Variants in CLUH observed in about 807,000 individuals in gnomAD.
The protein encoded by CLUH is CLUH binding protein of NUMT mRNA.
CLUH carries 77 observed loss-of-function variants against 139.3 expected under a neutral mutation model. That is an observed-to-expected ratio of 0.55 (90% CI 0.46 to 0.67). CLUH has a LOEUF of 0.67. CLUH is among the 30% of genes least tolerant of loss of function. The pLI is 0.00. For synonymous variants in CLUH, 999 were observed against 801.6 expected, an observed-to-expected ratio of 1.25 and a Z score of -4.16; for missense variants, 1,876 against 1,875.8, an observed-to-expected ratio of 1.00 and a Z score of 0.00.
In CLUH at chr17:2,691,997, C is replaced by CCCCCCT; in HGVS notation, c.3654+6_3654+7insAGGGGG. 1 of 1,329,188 alleles carries CCCCCCT rather than the reference C, an allele frequency of 7.5e-7. No individual in the cohort carries two copies. Among genetic ancestry groups the CCCCCCT allele is most frequent in the Admixed American group, 2.7e-5 (1 of 37,030 alleles). 82.3% of individuals were successfully genotyped at this position (1,329,188 alleles called of 1,614,324 possible). Reference sequence around the variant, plus strand: ...GCCCCCGCCCCCGCCACGCCCCCGCCGCGCACCTGCGTCTTGTAGATGGTG... The same window carrying CCCCCCT: ...GCCCCCGCCCCCGCCACGCCCCCGCCCCCCCTGCGCACCTGCGTCTTGTAGATGGTG... On this transcript the variant is annotated splice_region_variant and intron_variant, in intron 23 of 25. Transcript: ENST00000651024.
chr17:2,707,169 T>C lies in CLUH; in HGVS notation c.101-2605A>G, dbSNP rs2070375470. The C allele has an allele frequency of 1.0e-6, 1 of 985,034 alleles. No homozygotes were observed. The allele number at this position is 985,034 out of a possible 1,614,324, so 61.0% of individuals were successfully genotyped here. On this transcript the variant is annotated intron_variant, in intron 1 of 25. Transcript: ENST00000651024. This position sits in a 1 kb window ranked among gnomAD's most constrained non-coding sequence, Gnocchi z 7.4. ...TGGCTGGCTCACCAGGTCCCGGTGC[T>C]CACCTGGTGCAGTTGGCAGCTGCCC...
At chr17:2,698,729 C>T (rs988503385) in intron 9 of CLUH, 139 bp from the exon 10 acceptor site, 3 of 776,220 alleles carry the variant, frequency 3.9e-6, no homozygotes, top group African/African-American at 3.5e-5. Flanking sequence ...TCAGTTTCCT[C>T]ATATGTAGAA....
intron 15 of CLUH, 53 bp downstream of exon 15, chr17:2,695,165 G>A (rs1425990619): frequency 5.0e-6 from 8 of 1,613,468 alleles, no homozygotes; most frequent in Non-Finnish European, 5.1e-6. Flanking sequence ...CTTTCCCGAC[G>A]CCCCACACCA....
At chr17:2,691,469 G>A (rs2069630058) in intron 25 of CLUH, 140 bp downstream of exon 25, 4 of 807,702 alleles carry the variant, frequency 5.0e-6, no homozygotes, top group South Asian at 3.1e-5. Flanking sequence ...GGCTGAGGCA[G>A]GAGAATCGCT....
chr17:2,692,667 GC>G lies in CLUH; in HGVS notation c.3341del (p.Ser1114ThrfsTer8). 1.2e-6 allele frequency: 2 copies of G among 1,612,370 alleles called. No individual in the cohort carries two copies. Among genetic ancestry groups the G allele is most frequent in the Non-Finnish European group, 1.7e-6 (2 of 1,179,336 alleles). On this transcript the variant is annotated frameshift_variant, in exon 21 of 26. Transcript: ENST00000651024. LOFTEE classifies it high-confidence loss of function. ...YMHLALYCFA[S>X]SQLSTALSLL... ...GGCTCAGGGCGGTGGACAGCTGGCTGCTGGCGAAGCAGTACAGGGCCAGGTG... is the reference window on the plus strand; with the variant it reads ...GGCTCAGGGCGGTGGACAGCTGGCTGTGGCGAAGCAGTACAGGGCCAGGTG...
chr17:2,696,436 G>A lies in CLUH; in HGVS notation c.2288C>T (p.Pro763Leu), dbSNP rs770832952. Residue 763 changes from proline (P) to leucine (L), a missense_variant and splice_region_variant, in exon 12 of 26, where the codon CCA (proline) becomes CTA (leucine). Transcript: ENST00000651024. ...DIRFNPDIFS[P>L]GVRFPESCQD... ...GCTGGCCGGCCCCCACCACCTGCCT[G>A]GTGAGAAGATGTCAGGATTGAAGCG... 8.2e-6 allele frequency: 13 copies of A among 1,585,598 alleles called. No homozygotes were observed. In the Admixed American group the frequency reaches 1.6e-4, roughly 20 times the overall value.
At chr17:2,709,014 C>T (rs1014944333) in intron 1 of CLUH, among the ~76,000 whole-genome samples, 5 of 152,192 alleles carry the variant, frequency 3.3e-5, no homozygotes, top group East Asian at 3.8e-4. Context: ...GCGGGAGAGC[C>T]GTGCCCCAAC....
rs190673247 is a variant in CLUH, at chr17:2,701,187, C to A, written c.978G>T (p.Gln326His). Residue 326 changes from glutamine (Q) to histidine (H), a missense_variant, in exon 7 of 26, where the codon CAG (glutamine) becomes CAT (histidine). Around this residue, in one of 3 missense-constraint regions of CLUH, gnomAD observed 270 missense variants for 354.7 expected, o/e 0.76. Transcript: ENST00000651024. Reference sequence around the variant, plus strand: ...AGTTCTTCTTGAAGGTCGGGCTGATCTGGTTGAGCAGCTCCACTAGGGAAT... The same window carrying A: ...AGTTCTTCTTGAAGGTCGGGCTGATATGGTTGAGCAGCTCCACTAGGGAAT... ...LSHSLVELLN[Q>H]ISPTFKKNFA... 7 of 1,614,002 alleles carry A rather than the reference C, an allele frequency of 4.3e-6. No individual in the cohort carries two copies. The Admixed American group carries it at 1.0e-4, about 23-fold the overall frequency.
At chr17:2,708,084 T>C (rs1351916393) in intron 1 of CLUH, 1 of 861,416 alleles carries the variant, frequency 1.2e-6, no homozygotes, top group Admixed American at 6.2e-5. Context: ...GGGGAGGAGG[T>C]GCCCAGCTGG....
In CLUH at chr17:2,695,041, A is replaced by T. The variant is rs1297575586; in HGVS notation, c.2668T>A (p.Ser890Thr). 3 of 1,613,316 alleles carry T rather than the reference A, an allele frequency of 1.9e-6. No individual in the cohort carries two copies. The highest frequency in any genetic ancestry group is 2.5e-6 in the Non-Finnish European group (3 of 1,179,706). ...AGGTGGGCCACGGGGTTTGGGTAGGAGCTCAGGAAGCAGTTCAGGAAGTGG... is the reference window on the plus strand; with the variant it reads ...AGGTGGGCCACGGGGTTTGGGTAGGTGCTCAGGAAGCAGTTCAGGAAGTGG... The part of the protein sequence containing the change: ...ISHFLNCFLS[S>T]YPNPVAHLPA... The change falls in exon 16 of 26, where the codon TCC becomes ACC. Residue 890 changes from serine to threonine, a missense_variant. Around this residue, in one of 3 missense-constraint regions of CLUH, gnomAD observed 1,454 missense variants for 1,384.4 expected, o/e 1.05. Transcript: ENST00000651024.
In CLUH at chr17:2,692,766, C is replaced by T; in HGVS notation, c.3312+14G>A. ...CCCTCGCATCCCCCGGCGCGGGCGGCACTCGCGACTCACGTATTCCTGGAT... is the reference window on the plus strand; with the variant it reads ...CCCTCGCATCCCCCGGCGCGGGCGGTACTCGCGACTCACGTATTCCTGGAT... On this transcript the variant is annotated intron_variant, in intron 20 of 25. Coordinates refer to ENST00000651024, the MANE Select transcript of CLUH (RefSeq NM_001366661.1). 3 of 1,599,854 alleles carry T rather than the reference C, an allele frequency of 1.9e-6. No homozygotes were observed. Among genetic ancestry groups the T allele is most frequent in the Middle Eastern group, 1.7e-4 (1 of 6,004 alleles).
In CLUH at chr17:2,700,478, C is replaced by A. The variant is rs1555531550; in HGVS notation, c.1174-4G>T. On this transcript the variant is annotated splice_polypyrimidine_tract_variant and splice_region_variant and intron_variant, in intron 8 of 25. Coordinates refer to ENST00000651024, the MANE Select transcript of CLUH (RefSeq NM_001366661.1). ...GCTCCTCATTCCAGTCTCGGGTCTG[C>A]AGAGAGATCAGGGAGGGAAAAACGA... The A allele has an allele frequency of 1.5e-5, 24 of 1,609,374 alleles. No homozygotes were observed. The South Asian group carries it at 2.7e-4, about 18-fold the overall frequency.
In CLUH at chr17:2,698,529, A is replaced by C. The variant is rs1597613169; in HGVS notation, c.1328T>G (p.Val443Gly). Residue 443 changes from valine (V) to glycine (G), a missense_variant, in exon 10 of 26, where the codon GTG (valine) becomes GGG (glycine). Physicochemically the swap from Val to Gly is moderately radical, Grantham distance 109. This residue lies in a region of CLUH where 1,454 missense variants were observed against 1,384.4 expected (regional missense o/e 1.05). Coordinates refer to ENST00000651024, the MANE Select transcript of CLUH (RefSeq NM_001366661.1). ...RGAMAVIDGN[V>G]MAINPSEETK... ...CTCCTCGCTGGGGTTGATGGCCATC[A>C]CGTTGCCGTCAATGACGGCCATGGC... 1.2e-6 allele frequency: 2 copies of C among 1,612,388 alleles called. No individual in the cohort carries two copies. The highest frequency in any genetic ancestry group is 1.7e-6 in the Non-Finnish European group (2 of 1,179,428).
At chr17:2,700,534 G>A (rs2070140846) in intron 8 of CLUH, 60 bp from the exon 9 acceptor site, 1 of 1,568,928 alleles carries the variant, frequency 6.4e-7, no homozygotes, top group African/African-American at 1.4e-5. Context: ...CCTGCTCCCG[G>A]AAGTCGCTCC....
intron 1 of CLUH, among the ~76,000 whole-genome samples, chr17:2,709,771 C>G (rs1597631645): frequency 6.6e-6 from 1 of 152,260 alleles, no homozygotes. Flanking sequence ...AGGTGGGCCC[C>G]AGCTGGGGGG....
At position 2,709,085 on chromosome 17, in the gene CLUH, G is replaced by A. The variant is rs546969455; in HGVS notation, c.100+2477C>T. Among the ~76,000 whole-genome samples, 44 of 152,158 alleles carry A rather than the reference G, an allele frequency of 2.9e-4. No homozygotes were observed. The South Asian group carries it at 8.9e-3, about 31-fold the overall frequency. ...AAGAGACAAAGCACACCCTTGCCCC[G>A]GCCTGGAGGCGCCGGGAGCTCAAAG... On this transcript the variant is annotated intron_variant, in intron 1 of 25. Transcript: ENST00000651024.
chr17:2,697,795 T>C (rs1025791116), intron 10 of CLUH, 101 bp downstream of exon 10: 18 of 1,126,312 alleles, frequency 1.6e-5, no homozygotes, highest in Non-Finnish European at 2.1e-5. Context: ...TTCTTCACTC[T>C]CCAGCGCTTC....
chr17:2,694,074 C>T (rs113965069), intron 18 of CLUH, 35 bp from the exon 19 acceptor site: 31 of 1,613,692 alleles, frequency 1.9e-5, no homozygotes, highest in South Asian at 1.1e-4. Flanking sequence ...AAGGTCAGGA[C>T]GGGCCATGGG....
At position 2,696,909 on chromosome 17, in the gene CLUH, CT is replaced by C; in HGVS notation, c.1994del (p.Gln665ArgfsTer2). ...YLLFMKLAAL[Q>X]LMQQNASQLE... ...GCTGGCTGGCGTTCTGCTGCATCAGCTGCAAGGCGGCCAGCTTCATAAAGAG... is the reference window on the plus strand; with the variant it reads ...GCTGGCTGGCGTTCTGCTGCATCAGCGCAAGGCGGCCAGCTTCATAAAGAG... On this transcript the variant is annotated frameshift_variant, in exon 11 of 26. Coordinates refer to ENST00000651024, the MANE Select transcript of CLUH (RefSeq NM_001366661.1). LOFTEE classifies it high-confidence loss of function. 1 of 1,606,730 alleles carries C rather than the reference CT, an allele frequency of 6.2e-7. No individual in the cohort carries two copies. Among genetic ancestry groups the C allele is most frequent in the South Asian group, 1.1e-5 (1 of 89,920 alleles).
Sources: gnomAD v4.1 joint callset for allele counts (sites outside exome capture counted in the v4.1 genomes callset) on GRCh38, gnomAD v4.1.1 for gene constraint, gnomAD v4.1.1 regional missense constraint, Gnocchi (gnomAD v3.1) non-coding constraint, MANE v1.5 for transcripts, NCBI Gene and HGNC (gene_info 2026-07-23, HGNC 2026-07-21) for gene names.